CSMD3: variants seen among roughly 807,000 people sequenced by gnomAD.
The protein encoded by CSMD3 is CUB and sushi domain-containing protein 3.
A neutral mutation model predicts 435.2 loss-of-function variants in CSMD3; 177 were observed. That is an observed-to-expected ratio of 0.41 (90% CI 0.36 to 0.46). The LOEUF is 0.46. CSMD3 is among the 20% of genes least tolerant of loss of function. CSMD3 has a pLI of 0.34. For synonymous variants in CSMD3, 1,656 were observed against 1,520.5 expected, an observed-to-expected ratio of 1.09 and a Z score of -2.07; for missense variants, 4,265 against 4,504.6, an observed-to-expected ratio of 0.95 and a Z score of 1.52.
chr8:113,283,886 A>G (rs1195252817), intron 2 of CSMD3, among the ~76,000 whole-genome samples: 1 of 152,180 alleles, frequency 6.6e-6, no homozygotes, highest in Admixed American at 6.5e-5. Flanking sequence ...TATCATATAT[A>G]TGATGGAATA....
intron 35 of CSMD3, among the ~76,000 whole-genome samples, chr8:112,393,642 T>G (rs1051519845): frequency 2.0e-5 from 3 of 152,186 alleles, no homozygotes; most frequent in African/African-American, 7.2e-5. Context: ...CTATCTCCTC[T>G]TCCTCCATCC....
chr8:113,408,088 A>G lies in CSMD3; in HGVS notation c.178+28589T>C, dbSNP rs146823486. Among the ~76,000 whole-genome samples the G allele has an allele frequency of 1.2e-4, 18 of 152,292 alleles. No individual in the cohort carries two copies. In the East Asian group the frequency reaches 3.5e-3, roughly 29 times the overall value. On this transcript the variant is annotated intron_variant, in intron 1 of 70. Transcript: ENST00000297405. ...TTAACCACCTGTCTTTAGAAATCCC[A>G]TAGAGATTCTATACTGAGTTTAAAG...
chr8:113,068,904 C>T (rs1341531131), intron 5 of CSMD3, among the ~76,000 whole-genome samples: 2 of 151,726 alleles, frequency 1.3e-5, no homozygotes, highest in Admixed American at 1.3e-4. Flanking sequence ...AAAATTCTAG[C>T]GAGACAAATT....
chr8:112,805,845 GA>G (rs748158496), intron 12 of CSMD3, among the ~76,000 whole-genome samples: 2 of 152,072 alleles, frequency 1.3e-5, no homozygotes, highest in East Asian at 1.9e-4. Flanking sequence ...ATCATTTACA[GA>G]AAAAACTTAA....
chr8:113,278,495 A>G, intron 3 of CSMD3, 97 bp downstream of exon 3: 1 of 713,504 alleles, frequency 1.4e-6, no homozygotes, highest in South Asian at 1.5e-5. Context: ...TTGAGACAAC[A>G]TGATGTTGTC....
At chr8:112,277,355 A>G (rs1818167422) in intron 59 of CSMD3, among the ~76,000 whole-genome samples, 1 of 152,114 alleles carries the variant, frequency 6.6e-6, no homozygotes, top group South Asian at 2.1e-4. Context: ...TCTTTACTAA[A>G]ACGTAGCAAG....
At chr8:113,159,654 A>G (rs554344852) in intron 4 of CSMD3, among the ~76,000 whole-genome samples, 1 of 152,022 alleles carries the variant, frequency 6.6e-6, no homozygotes, top group Non-Finnish European at 1.5e-5. Flanking sequence ...CTTCATATGT[A>G]CTTCTCAAGC....
At chr8:113,173,585 G>C (rs902494620) in intron 4 of CSMD3, 137 bp downstream of exon 4, 2 of 736,012 alleles carry the variant, frequency 2.7e-6, no homozygotes, top group Non-Finnish European at 4.8e-6. Context: ...GCCTCCCAAA[G>C]TGCTGGGATT....
chr8:113,276,527 C>G (rs2093571919), intron 3 of CSMD3, among the ~76,000 whole-genome samples: 1 of 152,006 alleles, frequency 6.6e-6, no homozygotes, highest in South Asian at 2.1e-4. Flanking sequence ...TATCATGGTC[C>G]TACAAACTTG....
In CSMD3 at chr8:112,224,585, C is replaced by T; in HGVS notation, c.*186G>A. Reference sequence around the variant, plus strand: ...AGAGTGCAGCCAAATTTCTGTAAAACTCTCCATGGTAAACATGAAGAATTA... The same window carrying T: ...AGAGTGCAGCCAAATTTCTGTAAAATTCTCCATGGTAAACATGAAGAATTA... On this transcript the variant is annotated 3_prime_UTR_variant, in exon 71 of 71. Coordinates refer to ENST00000297405, the MANE Select transcript of CSMD3 (RefSeq NM_198123.2). The T allele has an allele frequency of 6.1e-6, 4 of 651,572 alleles. No individual in the cohort carries two copies. The highest frequency in any genetic ancestry group is 1.1e-5 in the Non-Finnish European group (4 of 367,754). 40.4% of individuals were successfully genotyped at this position (651,572 alleles called of 1,614,324 possible).
intron 12 of CSMD3, among the ~76,000 whole-genome samples, chr8:112,810,062 C>CA (rs1444543778): frequency 2.0e-5 from 3 of 152,134 alleles, no homozygotes; most frequent in Non-Finnish European, 4.4e-5. Flanking sequence ...AAAACCCTCC[C>CA]ACTTTTTGTT....
At chr8:112,846,987 G>A (rs888088025) in intron 11 of CSMD3, among the ~76,000 whole-genome samples, 2 of 151,906 alleles carry the variant, frequency 1.3e-5, no homozygotes, top group Non-Finnish European at 2.9e-5. Context: ...CTTGGCTTGG[G>A]GAACCTTGTA....
chr8:112,953,372 T>C (rs2083896606), intron 8 of CSMD3, among the ~76,000 whole-genome samples: 1 of 151,492 alleles, frequency 6.6e-6, no homozygotes, highest in African/African-American at 2.4e-5. Flanking sequence ...ATAATTTCTA[T>C]AAAAGTCATA....
At chr8:112,627,330 A>T (rs569355550) in intron 22 of CSMD3, among the ~76,000 whole-genome samples, 2 of 152,222 alleles carry the variant, frequency 1.3e-5, no homozygotes, top group South Asian at 2.1e-4. Context: ...ACTTGGGCAA[A>T]TTCCAAAACT....
chr8:112,624,380 C>G (rs1244432067), intron 22 of CSMD3, among the ~76,000 whole-genome samples: 2 of 151,972 alleles, frequency 1.3e-5, no homozygotes, highest in East Asian at 3.9e-4. Context: ...GAAAATAAAA[C>G]TATATAATGT....
chr8:113,018,777 T>C (rs1310517924), intron 6 of CSMD3: 1 of 384,184 alleles, frequency 2.6e-6, no homozygotes, highest in Non-Finnish European at 4.8e-6. Context: ...CTTCAGATAG[T>C]ATATCCAATT....
chr8:112,478,954 C>A (rs1819355306), intron 31 of CSMD3, among the ~76,000 whole-genome samples: 1 of 152,130 alleles, frequency 6.6e-6, no homozygotes, highest in Admixed American at 6.5e-5. Context: ...AGAGAACTGC[C>A]CGACTGTGAG....
intron 20 of CSMD3, chr8:112,643,554 T>G (rs1424229884): frequency 1.2e-5 from 2 of 169,786 alleles, no homozygotes; most frequent in Non-Finnish European, 2.9e-5. Flanking sequence ...AAACTTTAAG[T>G]GTTAATTAAA....
chr8:112,418,865 C>A (rs1237392926), intron 32 of CSMD3, among the ~76,000 whole-genome samples: 1 of 151,950 alleles, frequency 6.6e-6, no homozygotes, highest in Non-Finnish European at 1.5e-5. Context: ...AATTTCACAC[C>A]CAATGTCATG....
Sources: allele counts gnomAD v4.1 joint callset (sites outside exome capture counted in the v4.1 genomes callset), GRCh38; gene constraint gnomAD v4.1.1; transcripts MANE v1.5; gene names NCBI Gene and HGNC (gene_info 2026-07-23, HGNC 2026-07-21).